Variants in RPUSD3 observed in about 807,000 individuals in gnomAD.
RPUSD3 encodes mitochondrial mRNA pseudouridine synthase RPUSD3.
A neutral mutation model predicts 35.1 loss-of-function variants in RPUSD3; 36 were observed. The ratio of observed to expected loss-of-function variants is 1.02; its 90% CI spans 0.79 to 1.35. The LOEUF (loss-of-function observed/expected upper bound fraction) is 1.35, where lower values mean the gene tolerates loss of function less well. Ranked by LOEUF, RPUSD3 falls within the 40% of genes most tolerant of loss-of-function variation. The pLI, the probability that RPUSD3 is intolerant of heterozygous loss-of-function variation, is 0.00. For synonymous variants in RPUSD3, 202 were observed against 187.8 expected, an observed-to-expected ratio of 1.08 and a Z score of -0.62; for missense variants, 486 against 441.9, an observed-to-expected ratio of 1.10 and a Z score of -0.89.
intron 1 of RPUSD3, 81 bp from the exon 2 acceptor site, chr3:9,843,682 A>G: frequency 1.9e-6 from 3 of 1,566,030 alleles, no homozygotes; most frequent in Middle Eastern, 3.3e-4. Context: ...CTCTTCCCAA[A>G]TCCTGCGGCC....
intron 1 of RPUSD3, 97 bp from the exon 2 acceptor site, chr3:9,843,698 C>G (rs993389585): frequency 6.4e-7 from 1 of 1,554,118 alleles, no homozygotes; most frequent in Non-Finnish European, 8.7e-7. Flanking sequence ...CGGCCTCTGA[C>G]AAATGCCTCA....
Position 9,840,526 on chromosome 3 carries a change from A to C in RPUSD3, c.600+6T>G. On this transcript the variant is annotated splice_donor_region_variant and intron_variant, in intron 6 of 8. Coordinates refer to ENST00000383820, the Ensembl canonical transcript of RPUSD3. ...GCACCCCTCCTCTTCCCAGACCCGGACTCACGAGATTGACCCCATCAATGT... is the reference window on the plus strand; with the variant it reads ...GCACCCCTCCTCTTCCCAGACCCGGCCTCACGAGATTGACCCCATCAATGT... 6.2e-7 allele frequency: 1 copy of C among 1,613,622 alleles called. No homozygotes were observed. Among genetic ancestry groups the C allele is most frequent in the South Asian group, 1.1e-5 (1 of 91,056 alleles).
intron 8 of RPUSD3, 165 bp downstream of exon 8, chr3:9,838,867 C>T: frequency 1.2e-6 from 1 of 808,080 alleles, no homozygotes; most frequent in South Asian, 1.8e-5. Context: ...GTGAGTGTTA[C>T]TTGCCCAAGG....
intron 4 of RPUSD3, 168 bp downstream of exon 4, chr3:9,841,814 GA>G (rs1323956028): frequency 4.9e-6 from 3 of 612,044 alleles, no homozygotes; most frequent in Non-Finnish European, 8.7e-6. Context: ...ATTTGTACTT[GA>G]GGATTTGAAC....
intron 2 of RPUSD3, 150 bp from the exon 3 acceptor site, chr3:9,842,393 CTTCT>C: frequency 1.3e-6 from 1 of 768,426 alleles, no homozygotes; most frequent in Non-Finnish European, 2.3e-6. Flanking sequence ...CCAAATTCAA[CTTCT>C]TTCTGTTCCT....
Position 9,839,301 on chromosome 3 carries a change from T to A in RPUSD3, c.725-130A>T, listed in dbSNP as rs2082068753. 1.6e-5 allele frequency: 16 copies of A among 997,030 alleles called. No individual in the cohort carries two copies. The South Asian group carries it at 2.6e-4, about 16-fold the overall frequency. 61.8% of individuals were successfully genotyped at this position (997,030 alleles called of 1,614,324 possible). A position where few individuals can be genotyped will look rare whatever the true frequency, so the allele number is the denominator to read the frequency against. ...AGATCATATGTTTCAGTGAGGTCAG[T>A]ACTATGGCCCCTGCATCCAGAGAGG... On this transcript the variant is annotated intron_variant, in intron 7 of 8. Transcript: ENST00000383820.
At chr3:9,840,591 C>T in exon 6 of RPUSD3, 1 of 1,613,952 alleles carries the variant, frequency 6.2e-7, no homozygotes, top group Non-Finnish European at 8.5e-7. Context: ...CCCTCAGAAG[C>T]AGCTGGGATC....
At chr3:9,843,987 C>G (rs753746703) in exon 1 of RPUSD3, 3 of 1,598,412 alleles carry the variant, frequency 1.9e-6, no homozygotes, top group Admixed American at 3.4e-5. Context: ...CGGCGGCCGT[C>G]CATCTCCCGA....
rs556430181 is a variant in RPUSD3, at chr3:9,839,096, C to T, written c.800G>A (p.Arg267His). ...TCGCTGGCCCAGGACAGTGCCCACA[C>T]GGGCAGAGTACATGTGGTCCCCAAG... Residue 267 changes from arginine to histidine, a missense_variant, in exon 8 of 9, where the codon CGT (arginine) becomes CAT (histidine). Arg to His is a conservative substitution (Grantham distance 29, BLOSUM62 0). Coordinates refer to ENST00000383820, the Ensembl canonical transcript of RPUSD3. 37 of 1,614,184 alleles carry T rather than the reference C, an allele frequency of 2.3e-5. No individual in the cohort carries two copies. The highest frequency in any genetic ancestry group is 3.3e-4 in the Middle Eastern group (2 of 6,062).
chr3:9,839,847 G>GGATTACAGGCGTGA lies in RPUSD3; in HGVS notation c.724+323_724+336dup, dbSNP rs2082077375. 1.5e-5 allele frequency: 3 copies of GGATTACAGGCGTGA among 197,076 alleles called. No individual in the cohort carries two copies. In the Admixed American group the frequency reaches 1.8e-4, roughly 12 times the overall value. The allele number at this position is 197,076 out of a possible 1,614,324, so 12.2% of individuals were successfully genotyped here. ...TCCGCCTTGGCCTCCCAAAGTGCTG[G>GGATTACAGGCGTGA]GATTACAGGCGTGAGCCACCGCGCC... On this transcript the variant is annotated intron_variant, in intron 7 of 8. Coordinates refer to ENST00000383820, the Ensembl canonical transcript of RPUSD3.
At position 9,840,889 on chromosome 3, in the gene RPUSD3, T is replaced by C. The variant is rs529528220; in HGVS notation, c.408-84A>G. 2.4e-4 allele frequency: 225 copies of C among 954,596 alleles called. 1 individual carries two copies. In the African/African-American group the frequency reaches 3.3e-3, roughly 14 times the overall value. The allele number at this position is 954,596 out of a possible 1,614,324, so 59.1% of individuals were successfully genotyped here. ...GAAACTCTTAGGAACACTGACCTGC[T>C]TCAGGCCAAACACTAACACCAGGAC... On this transcript the variant is annotated intron_variant, in intron 4 of 8. Transcript: ENST00000383820.
rs150850410 is a variant in RPUSD3 at position 9,839,854 on chromosome 3, A to G, written c.724+330T>C. 5.9e-3 allele frequency: 1,218 copies of G among 208,148 alleles called. 15 individuals are homozygous for G. Among genetic ancestry groups the G allele is most frequent in the African/African-American group, 0.028 (1,147 of 41,626 alleles). The allele number at this position is 208,148 out of a possible 1,614,324, so 12.9% of individuals were successfully genotyped here. A position where few individuals can be genotyped will look rare whatever the true frequency, so the allele number is the denominator to read the frequency against. On this transcript the variant is annotated intron_variant, in intron 7 of 8. Coordinates refer to ENST00000383820, the Ensembl canonical transcript of RPUSD3. ...TGGCCTCCCAAAGTGCTGGGATTAC[A>G]GGCGTGAGCCACCGCGCCTGGCTCA...
At chr3:9,838,857 G>A in intron 8 of RPUSD3, 175 bp downstream of exon 8, 3 of 712,076 alleles carry the variant, frequency 4.2e-6, no homozygotes, top group Admixed American at 5.4e-5. Flanking sequence ...GCCCAAGAGA[G>A]TGAGTGTTAC....
At chr3:9,837,853 G>T in exon 9 of RPUSD3, 1 of 669,592 alleles carries the variant, frequency 1.5e-6, no homozygotes, top group Non-Finnish European at 2.4e-6. Flanking sequence ...ATAACATGAG[G>T]TAGGAACTTT....
chr3:9,841,768 G>A (rs986244983), intron 4 of RPUSD3: 9 of 474,274 alleles, frequency 1.9e-5, no homozygotes, highest in East Asian at 1.7e-4. Context: ...TGTGCCCAGC[G>A]TCAGGGAGGT....
intron 6 of RPUSD3, 62 bp from the exon 7 acceptor site, chr3:9,840,369 C>T (rs1352750594): frequency 3.1e-6 from 5 of 1,613,560 alleles, no homozygotes; most frequent in Non-Finnish European, 3.4e-6. Flanking sequence ...CCCAGACCCT[C>T]CCTGCTCCCA....
At position 9,843,876 on chromosome 3, in the gene RPUSD3, G is replaced by C; in HGVS notation, c.125+14C>G. Reference sequence around the variant, plus strand: ...TAGCCTCCGTCCCGCATGAGAGAGGGGGTACTTAATCACCGGGCTTCGGTG... The same window carrying C: ...TAGCCTCCGTCCCGCATGAGAGAGGCGGTACTTAATCACCGGGCTTCGGTG... On this transcript the variant is annotated intron_variant, in intron 1 of 8. Transcript: ENST00000383820. 1.3e-6 allele frequency: 2 copies of C among 1,598,872 alleles called. No homozygotes were observed. Among genetic ancestry groups the C allele is most frequent in the Non-Finnish European group, 1.7e-6 (2 of 1,173,318 alleles).
At chr3:9,841,766 G>A (rs953503264) in intron 4 of RPUSD3, 12 of 468,544 alleles carry the variant, frequency 2.6e-5, no homozygotes, top group African/African-American at 2.0e-4. Context: ...ACTGTGCCCA[G>A]CGTCAGGGAG....
Position 9,842,012 on chromosome 3 carries a change from CT to C in RPUSD3, c.377del (p.Gln126ArgfsTer65). 2 of 1,614,074 alleles carry C rather than the reference CT, an allele frequency of 1.2e-6. No individual in the cohort carries two copies. The highest frequency in any genetic ancestry group is 2.2e-5 in the South Asian group (2 of 91,060). On this transcript the variant is annotated frameshift_variant, in exon 4 of 9. Coordinates refer to ENST00000383820, the Ensembl canonical transcript of RPUSD3. LOFTEE classifies it high-confidence loss of function. The stretch of plus-strand genomic sequence containing the variant: ...CAGATGCTCGGACAACCTGAAGCTC[CT>C]GCTCCCTGAGCCCTAGGGACTGGCT...
Sources: gnomAD v4.1 joint callset for allele counts on GRCh38, gnomAD v4.1.1 for gene constraint, MANE v1.5 for transcripts, NCBI Gene and HGNC (gene_info 2026-07-23, HGNC 2026-07-21) for gene names.